ABTB2: variants seen among roughly 807,000 people sequenced by gnomAD.
ABTB2 encodes ankyrin repeat and BTB/POZ domain-containing protein 2.
Under a neutral mutation model 104.1 loss-of-function variants are expected in ABTB2, and 56 were observed. The ratio of observed to expected loss-of-function variants is 0.54; its 90% confidence interval spans 0.43 to 0.67. The LOEUF (loss-of-function observed/expected upper bound fraction) is 0.67, where lower values mean the gene tolerates loss of function less well. ABTB2 is among the 30% of genes least tolerant of loss of function. The pLI is 0.00. For missense variants in ABTB2, 1,279 were observed against 1,407.7 expected, an observed-to-expected ratio of 0.91 and a Z score of 1.46; for synonymous variants, 606 against 608.2, an observed-to-expected ratio of 1.00 and a Z score of 0.05.
At chr11:34,174,315 A>G (rs1374250767) in intron 3 of ABTB2, among the ~76,000 whole-genome samples, 1 of 135,726 alleles carries the variant, frequency 7.4e-6, no homozygotes, top group African/African-American at 3.0e-5. Flanking sequence ...ACAGGGCGAG[A>G]CTCCGTCTCA....
Position 34,300,465 on chromosome 11 carries a change from G to A in ABTB2, c.883+56236C>T, listed in dbSNP as rs148063879. The stretch of plus-strand genomic sequence containing the variant: ...CCAGTGCTATAAATCACTGGTTATC[G>A]GATGGAGTGGAACTCATTAATATAA... On this transcript the variant is annotated intron_variant, in intron 1 of 16. Transcript: ENST00000435224. 2.3e-3 allele frequency among the ~76,000 whole-genome samples: 343 copies of A among 152,314 alleles called. 2 individuals carry two copies. The highest frequency in any genetic ancestry group is 3.7e-3 in the East Asian group (19 of 5,196).
intron 1 of ABTB2, among the ~76,000 whole-genome samples, chr11:34,241,969 C>T (rs1327116594): frequency 6.6e-6 from 1 of 152,248 alleles, no homozygotes; most frequent in Non-Finnish European, 1.5e-5. Flanking sequence ...ATTGATTGAG[C>T]CTCCTGGCCC....
chr11:34,250,380 A>G lies in ABTB2; in HGVS notation c.884-45690T>C, dbSNP rs552524885. ...CCCAGCACCCATGAAGATGTCTGGCATGTAGTGCATATGCAATAAATACTT... is the reference window on the plus strand; with the variant it reads ...CCCAGCACCCATGAAGATGTCTGGCGTGTAGTGCATATGCAATAAATACTT... On this transcript the variant is annotated intron_variant, in intron 1 of 16. Transcript: ENST00000435224. 1.8e-4 allele frequency among the ~76,000 whole-genome samples: 27 copies of G among 152,344 alleles called. No homozygotes were observed. In the South Asian group the frequency reaches 5.6e-3, roughly 32 times the overall value.
At chr11:34,257,251 G>A (rs1447245793) in intron 1 of ABTB2, among the ~76,000 whole-genome samples, 1 of 151,542 alleles carries the variant, frequency 6.6e-6, no homozygotes, top group Admixed American at 6.6e-5. Context: ...ATGAACCCAA[G>A]AGCCACACGT....
In ABTB2 at chr11:34,356,882, G is replaced by A. The variant is rs147308364; in HGVS notation, c.702C>T (p.Cys234=). ...HEYAAISLTA[C]MENLVEEIRA... ...GGATCTCCTCCACCAGGTTCTCCAT[G>A]CAGGCGGTGAGGGAGATGGCTGCGT... The change falls in exon 1 of 17, where the codon TGC becomes TGT. Residue 234 remains cysteine, a synonymous_variant. Transcript: ENST00000435224. The surrounding 1 kb of genome is among the most constrained non-coding windows in gnomAD (Gnocchi z 4.6). 8.0e-5 allele frequency: 128 copies of A among 1,605,332 alleles called. No individual in the cohort carries two copies. In the African/African-American group the frequency reaches 1.6e-3, roughly 20 times the overall value.
At chr11:34,181,013 T>C (rs1241041732) in intron 3 of ABTB2, among the ~76,000 whole-genome samples, 1 of 152,226 alleles carries the variant, frequency 6.6e-6, no homozygotes, top group Non-Finnish European at 1.5e-5. Flanking sequence ...CAAGCGATTC[T>C]TCTGCCTCAG....
intron 1 of ABTB2, among the ~76,000 whole-genome samples, chr11:34,233,457 C>T (rs1347618985): frequency 6.6e-6 from 1 of 151,670 alleles, no homozygotes; most frequent in Non-Finnish European, 1.5e-5. Context: ...CTCAAGCAAT[C>T]CTCCTGCCTC....
intron 16 of ABTB2, 95 bp from the exon 17 acceptor site, chr11:34,152,679 T>C: frequency 1.6e-6 from 2 of 1,254,704 alleles, no homozygotes; most frequent in Non-Finnish European, 2.2e-6. Flanking sequence ...GCCACAGCCC[T>C]GATTAAGCCC....
intron 1 of ABTB2, among the ~76,000 whole-genome samples, chr11:34,263,698 G>T (rs1590233873): frequency 6.6e-6 from 1 of 152,164 alleles, no homozygotes; most frequent in East Asian, 1.9e-4. Context: ...TAGGCATGTT[G>T]TAGGCACCCT....
At chr11:34,306,405 C>T (rs1854772658) in intron 1 of ABTB2, among the ~76,000 whole-genome samples, 1 of 151,842 alleles carries the variant, frequency 6.6e-6, no homozygotes, top group African/African-American at 2.4e-5. Context: ...CACCACCACA[C>T]CTGGTTAATT....
chr11:34,213,232 C>CTT (rs1456510768), intron 1 of ABTB2, among the ~76,000 whole-genome samples: 1 of 152,242 alleles, frequency 6.6e-6, no homozygotes. Context: ...AATCCCAGCA[C>CTT]TTTGGGAGGC....
Position 34,162,743 on chromosome 11 carries a change from T to C in ABTB2, c.2051A>G (p.Glu684Gly). The C allele has an allele frequency of 6.2e-7, 1 of 1,610,836 alleles. No individual in the cohort carries two copies. Among genetic ancestry groups the C allele is most frequent in the Non-Finnish European group, 8.5e-7 (1 of 1,180,008 alleles). Reference protein sequence around the residue: ...QQAKADVLSLEEILAEGVEES... With the variant: ...QQAKADVLSLGEILAEGVEES... ...CTCCACACCCTCGGCCAGGATCTCC[T>C]CCAGGGACAGCACGTCCGCTTTAGC... Residue 684 changes from glutamate (E) to glycine (G), a missense_variant, in exon 10 of 17, where the codon GAG becomes GGG. By Grantham distance (98) the Glu-to-Gly change is moderately conservative. Transcript: ENST00000435224.
chr11:34,230,903 GTC>G (rs1005273526), intron 1 of ABTB2, among the ~76,000 whole-genome samples: 38 of 152,222 alleles, frequency 2.5e-4, no homozygotes, highest in African/African-American at 7.7e-4. Context: ...TAGAGACAGG[GTC>G]TTACTTTGTT....
At chr11:34,330,283 A>T (rs1855113308) in intron 1 of ABTB2, among the ~76,000 whole-genome samples, 1 of 151,930 alleles carries the variant, frequency 6.6e-6, no homozygotes, top group Non-Finnish European at 1.5e-5. Flanking sequence ...ATCTAGGTTC[A>T]AATCCCTAGT....
intron 1 of ABTB2, among the ~76,000 whole-genome samples, chr11:34,263,120 C>T (rs1310993223): frequency 6.6e-6 from 1 of 152,076 alleles, no homozygotes; most frequent in East Asian, 1.9e-4. Flanking sequence ...TCATTAGGTC[C>T]TTTGGGCCTT....
intron 3 of ABTB2, among the ~76,000 whole-genome samples, chr11:34,189,710 C>A (rs1279336462): frequency 3.3e-5 from 5 of 150,644 alleles, no homozygotes; most frequent in African/African-American, 7.3e-5. Context: ...TCTTGCTGCC[C>A]ATGCCATTCA....
intron 1 of ABTB2, 23 bp from the exon 2 acceptor site, chr11:34,204,713 G>C: frequency 6.2e-7 from 1 of 1,604,434 alleles, no homozygotes; most frequent in Non-Finnish European, 8.5e-7. Flanking sequence ...AAGGCAGACA[G>C]GTCACACTTA....
chr11:34,275,837 G>A (rs749322), intron 1 of ABTB2, among the ~76,000 whole-genome samples: 14,927 of 152,122 alleles, frequency 0.098, 1,001 homozygotes, highest in Admixed American at 0.21. Flanking sequence ...ATGAGATAAA[G>A]CACTTATACC....
At chr11:34,259,562 T>C (rs958838776) in intron 1 of ABTB2, among the ~76,000 whole-genome samples, 1 of 152,236 alleles carries the variant, frequency 6.6e-6, no homozygotes, top group African/African-American at 2.4e-5. Flanking sequence ...CTGGGTGATA[T>C]AGAAGTTCAG....
Sources: gnomAD v4.1 joint callset for allele counts (sites outside exome capture counted in the v4.1 genomes callset) on GRCh38, gnomAD v4.1.1 for gene constraint, Gnocchi (gnomAD v3.1) non-coding constraint, MANE v1.5 for transcripts, NCBI Gene and HGNC (gene_info 2026-07-23, HGNC 2026-07-21) for gene names.